Variants in GOLGA1 observed in about 807,000 individuals in gnomAD.
GOLGA1 encodes golgin subfamily A member 1.
In GOLGA1, 63 loss-of-function variants were observed where a neutral mutation model predicts 119.7. That is an observed-to-expected ratio of 0.53 (90% CI 0.43 to 0.65). The LOEUF (loss-of-function observed/expected upper bound fraction) is 0.65. Ranked by LOEUF, GOLGA1 falls within the 30% of genes least tolerant of loss-of-function variation. GOLGA1 has a pLI of 0.00. For synonymous variants in GOLGA1, 318 were observed against 333.4 expected (o/e 0.95, Z 0.50); for missense variants, 798 against 912.8 (o/e 0.87, Z 1.62).
intron 15 of GOLGA1, among the ~76,000 whole-genome samples, chr9:124,891,308 C>A (rs950874453): frequency 1.3e-5 from 2 of 152,258 alleles, no homozygotes; most frequent in East Asian, 3.8e-4. Context: ...CCATGCACGG[C>A]TGCCTCTGCG....
chr9:124,942,186 C>G (rs1217757973), upstream of GOLGA1, among the ~76,000 whole-genome samples: 1 of 152,124 alleles, frequency 6.6e-6, no homozygotes, highest in Non-Finnish European at 1.5e-5. Context: ...AGGATAATCG[C>G]TTGAACCCGG....
chr9:124,928,273 T>A lies in GOLGA1; in HGVS notation c.314A>T (p.Lys105Ile), dbSNP rs1476040238. 1.3e-6 allele frequency: 2 copies of A among 1,592,852 alleles called. No individual in the cohort carries two copies. The highest frequency in any genetic ancestry group is 1.7e-6 in the Non-Finnish European group (2 of 1,161,924). Residue 105 changes from lysine (K) to isoleucine (I), a missense_variant, in exon 6 of 23, where the codon AAA becomes ATA. Lys to Ile is a moderately radical substitution (Grantham distance 102). Coordinates refer to ENST00000373555, the MANE Select transcript of GOLGA1 (RefSeq NM_002077.4). The stretch of plus-strand genomic sequence containing the variant: ...GAATGTCTCATTCTGCTCTTGAAAT[T>A]TCCGCATGGAAGCTGTTAACAAAGA... ...LEKHQDSSMR[K>I]FQEQNETFQA...
At chr9:124,900,866 A>G (rs531734357) in intron 12 of GOLGA1, among the ~76,000 whole-genome samples, 7 of 152,124 alleles carry the variant, frequency 4.6e-5, no homozygotes, top group African/African-American at 1.7e-4. Context: ...TATTTCCTCT[A>G]GAGTGTTTTG....
Position 124,908,485 on chromosome 9 carries a change from A to G in GOLGA1, c.970-13T>C. 4 of 1,381,548 alleles carry G rather than the reference A, an allele frequency of 2.9e-6. No homozygotes were observed. The highest frequency in any genetic ancestry group is 4.1e-6 in the Non-Finnish European group (4 of 967,390). 85.6% of individuals were successfully genotyped at this position (1,381,548 alleles called of 1,614,324 possible). On this transcript the variant is annotated splice_polypyrimidine_tract_variant and intron_variant, in intron 11 of 22. Transcript: ENST00000373555. ...CAGCAAGTGTTTTCTGTAAGTTGAA[A>G]GAAGAGTAAAAGAAGACTATCATTC...
Position 124,888,422 on chromosome 9 carries a change from G to C in GOLGA1, c.1762-26C>G. On this transcript the variant is annotated intron_variant, in intron 18 of 22. Coordinates refer to ENST00000373555, the MANE Select transcript of GOLGA1 (RefSeq NM_002077.4). This position sits in a 1 kb window ranked among gnomAD's most constrained non-coding sequence, Gnocchi z 4.4. ...CTACAAGGTGGCAGCAGCAAATTGA[G>C]AGCCAGGACAGGTCAGGTGAAGCTG... 6.2e-7 allele frequency: 1 copy of C among 1,612,396 alleles called. No homozygotes were observed. Among genetic ancestry groups the C allele is most frequent in the Non-Finnish European group, 8.5e-7 (1 of 1,178,672 alleles).
At chr9:124,916,587 T>C (rs932739761) in intron 10 of GOLGA1, among the ~76,000 whole-genome samples, 12 of 152,084 alleles carry the variant, frequency 7.9e-5, no homozygotes, top group African/African-American at 2.9e-4. Flanking sequence ...TTAAAAATCT[T>C]CACAAGCCAG....
intron 19 of GOLGA1, among the ~76,000 whole-genome samples, 191 bp from the exon 20 acceptor site, chr9:124,882,760 G>A (rs1238781193): frequency 6.6e-6 from 1 of 152,086 alleles, no homozygotes; most frequent in Non-Finnish European, 1.5e-5. Context: ...ATCCCTCTTG[G>A]GCCACTGCTT....
Position 124,898,558 on chromosome 9 carries a change from CT to C in GOLGA1, c.1397del (p.Lys466ArgfsTer3). The C allele has an allele frequency of 6.4e-7, 1 of 1,568,862 alleles. No homozygotes were observed. Among genetic ancestry groups the C allele is most frequent in the African/African-American group, 1.3e-5 (1 of 74,112 alleles). ...RSLQNHQFEL[K>X]KLKEEWSQRE... ...TCAATTAGATAAATACCTTCAGCTTCTTTAGTTCAAATTGGTGATTTTGTAA... is the reference window on the plus strand; with the variant it reads ...TCAATTAGATAAATACCTTCAGCTTCTTAGTTCAAATTGGTGATTTTGTAA... On this transcript the variant is annotated frameshift_variant, in exon 15 of 23. Transcript: ENST00000373555. LOFTEE classifies it high-confidence loss of function.
In GOLGA1 at chr9:124,921,746, G is replaced by A. The variant is rs758320658; in HGVS notation, c.708C>T (p.His236=). ...ACCTCTGCTCTTCCAGCGTTGAGTA[G>A]TGTCTCTGCAATTCTTCTAGCTTCT... The part of the protein sequence containing the change: ...LSQKLEELQR[H]YSTLEEQRDH... The change falls in exon 9 of 23, where the codon CAC becomes CAT. Residue 236 remains histidine, a synonymous_variant. Coordinates refer to ENST00000373555, the MANE Select transcript of GOLGA1 (RefSeq NM_002077.4). The A allele has an allele frequency of 6.2e-7, 1 of 1,613,754 alleles. No homozygotes were observed. Among genetic ancestry groups the A allele is most frequent in the African/African-American group, 1.3e-5 (1 of 74,922 alleles).
At chr9:124,892,807 C>T (rs755825793) in intron 15 of GOLGA1, among the ~76,000 whole-genome samples, 2 of 151,840 alleles carry the variant, frequency 1.3e-5, no homozygotes, top group Non-Finnish European at 2.9e-5. Context: ...TGGTGCATGC[C>T]TGTGATCCCA....
rs1422271635 is a variant in GOLGA1 at position 124,889,221 on chromosome 9, T to C, written c.1683A>G (p.Ala561=). 1 of 1,613,346 alleles carries C rather than the reference T, an allele frequency of 6.2e-7. No individual in the cohort carries two copies. Among genetic ancestry groups the C allele is most frequent in the Non-Finnish European group, 8.5e-7 (1 of 1,179,914 alleles). ...ALRTLKAEEA[A]VVAEQEDLLR... ...GCAGGTCCTCCTGCTCCGCGACCAC[T>C]GCAGCCTCCTCCGCCTTGAGGGTCC... The change falls in exon 18 of 23, where the codon GCA becomes GCG. Residue 561 remains alanine, a synonymous_variant. Transcript: ENST00000373555.
intron 10 of GOLGA1, 41 bp from the exon 11 acceptor site, chr9:124,912,067 CTCTT>C (rs1237468635): frequency 1.3e-6 from 2 of 1,582,112 alleles, no homozygotes; most frequent in African/African-American, 1.4e-5. Context: ...TAGAAGCCCT[CTCTT>C]CCTTCCTTCC....
intron 2 of GOLGA1, 88 bp from the exon 3 acceptor site, chr9:124,938,954 A>C (rs1830938564): frequency 2.4e-6 from 1 of 408,976 alleles, no homozygotes; most frequent in African/African-American, 2.1e-5. Context: ...TTCAAAACTA[A>C]GTTTCATAAC....
intron 15 of GOLGA1, among the ~76,000 whole-genome samples, chr9:124,898,210 C>A (rs1326898569): frequency 6.6e-6 from 1 of 152,218 alleles, no homozygotes; most frequent in Non-Finnish European, 1.5e-5. Context: ...GACAGCATGA[C>A]TTTCAAGCAG....
At position 124,895,668 on chromosome 9, in the gene GOLGA1, A is replaced by G. The variant is rs533671676; in HGVS notation, c.1407+2881T>C. The stretch of plus-strand genomic sequence containing the variant: ...GCCTCCACGACAGAGAACCATCCAC[A>G]ACAGAGACCCTCCACAACAGAGAAC... On this transcript the variant is annotated intron_variant, in intron 15 of 22. Coordinates refer to ENST00000373555, the MANE Select transcript of GOLGA1 (RefSeq NM_002077.4). Among the ~76,000 whole-genome samples the G allele has an allele frequency of 9.2e-4, 139 of 150,874 alleles. 2 individuals carry two copies. The highest frequency in any genetic ancestry group is 2.7e-3 in the African/African-American group (112 of 40,896).
upstream of GOLGA1, chr9:124,945,065 T>C (rs1213369467): frequency 6.6e-6 from 1 of 152,178 alleles, no homozygotes; most frequent in Non-Finnish European, 1.5e-5. Flanking sequence ...AAGATGATTG[T>C]CGTAGTAGAC....
chr9:124,908,415 T>C lies in GOLGA1; in HGVS notation c.1027A>G (p.Ser343Gly), dbSNP rs1830273550. Residue 343 changes from serine (S) to glycine (G), a missense_variant, in exon 12 of 23, where the codon AGC becomes GGC. Ser to Gly is a moderately conservative substitution (Grantham distance 56). Coordinates refer to ENST00000373555, the MANE Select transcript of GOLGA1 (RefSeq NM_002077.4). ...DTRQQLLAAR[S>G]SQAKAINTLE... ...GTGTTAATGGCCTTAGCCTGGCTGC[T>C]TCTGGCTGCCAAGAGCTGTTGTCTG... The C allele has an allele frequency of 6.2e-7, 1 of 1,611,210 alleles. No individual in the cohort carries two copies. The highest frequency in any genetic ancestry group is 1.7e-5 in the Admixed American group (1 of 60,010).
intron 12 of GOLGA1, among the ~76,000 whole-genome samples, chr9:124,906,612 C>T (rs7032606): frequency 0.58 from 88,080 of 151,758 alleles, 26,002 homozygotes; most frequent in Non-Finnish European, 0.58. Flanking sequence ...ATTAGCTGGG[C>T]GTGATGCTGG....
chr9:124,907,202 A>G (rs547641393), intron 12 of GOLGA1, among the ~76,000 whole-genome samples: 1 of 152,212 alleles, frequency 6.6e-6, no homozygotes, highest in South Asian at 2.1e-4. Flanking sequence ...CCATGTGCAG[A>G]CAGAAACAAT....
Sources: allele counts gnomAD v4.1 joint callset (sites outside exome capture counted in the v4.1 genomes callset), GRCh38; gene constraint gnomAD v4.1.1; non-coding constraint Gnocchi (gnomAD v3.1); transcripts MANE v1.5; gene names NCBI Gene and HGNC (gene_info 2026-07-23, HGNC 2026-07-21).